Variants in DOK6 observed in about 807,000 individuals in gnomAD.
DOK6 encodes downstream of tyrosine kinase 6.
A neutral mutation model predicts 44.0 loss-of-function variants in DOK6; 22 were observed. That is an observed-to-expected ratio of 0.50 (90% CI 0.36 to 0.71). The LOEUF (loss-of-function observed/expected upper bound fraction) is 0.71, where lower values mean the gene tolerates loss of function less well. Among genes scored for constraint, DOK6 ranks in the 30% least tolerant of loss-of-function variants. DOK6 has a pLI of 0.00. For missense variants in DOK6, 340 were observed against 416.4 expected, an observed-to-expected ratio of 0.82 and a Z score of 1.60; for synonymous variants, 166 against 145.5, an observed-to-expected ratio of 1.14 and a Z score of -1.01.
chr18:69,620,879 G>A (rs1320180274), intron 3 of DOK6, among the ~76,000 whole-genome samples: 2 of 152,120 alleles, frequency 1.3e-5, no homozygotes, highest in Admixed American at 6.5e-5. Context: ...ACTTCAAAAT[G>A]TTTTTAAGCA....
At chr18:69,608,277 A>G (rs928021570) in intron 3 of DOK6, among the ~76,000 whole-genome samples, 1 of 152,194 alleles carries the variant, frequency 6.6e-6, no homozygotes, top group Non-Finnish European at 1.5e-5. Context: ...TTCTTTGACC[A>G]CTATGTGTTC....
At chr18:69,765,890 T>A (rs1979698259) in intron 7 of DOK6, among the ~76,000 whole-genome samples, 1 of 152,198 alleles carries the variant, frequency 6.6e-6, no homozygotes, top group Admixed American at 6.5e-5. Flanking sequence ...CAATATTCAA[T>A]AATTATTAAC....
chr18:69,688,044 A>G (rs1986189686), intron 4 of DOK6, among the ~76,000 whole-genome samples: 1 of 152,104 alleles, frequency 6.6e-6, no homozygotes, highest in African/African-American at 2.4e-5. Context: ...CTTCTATTTC[A>G]TATAATGCAA....
chr18:69,818,729 A>G (rs1311438925), intron 7 of DOK6, among the ~76,000 whole-genome samples: 1 of 152,218 alleles, frequency 6.6e-6, no homozygotes, highest in Admixed American at 6.5e-5. Context: ...CACAGCCTGT[A>G]TACAGTCCCG....
intron 5 of DOK6, among the ~76,000 whole-genome samples, chr18:69,716,712 A>G (rs1184995551): frequency 1.3e-5 from 2 of 148,764 alleles, no homozygotes; most frequent in South Asian, 2.1e-4. Context: ...AAAAAAAAAA[A>G]AGTCTTCTGG....
chr18:69,835,256 A>C (rs1172592665), intron 7 of DOK6, among the ~76,000 whole-genome samples: 1 of 152,068 alleles, frequency 6.6e-6, no homozygotes, highest in African/African-American at 2.4e-5. Flanking sequence ...AGGTCAGGAG[A>C]TCAAGACCAT....
chr18:69,764,094 T>C (rs2144760347), intron 7 of DOK6, among the ~76,000 whole-genome samples: 1 of 152,292 alleles, frequency 6.6e-6, no homozygotes, highest in South Asian at 2.1e-4. Context: ...CACAGATACT[T>C]GCTACTACTA....
At chr18:69,555,388 T>C (rs1982662410) in intron 1 of DOK6, among the ~76,000 whole-genome samples, 1 of 152,152 alleles carries the variant, frequency 6.6e-6, no homozygotes. Context: ...AGTCTTTTTT[T>C]CCGTTAAGAA....
intron 7 of DOK6, among the ~76,000 whole-genome samples, chr18:69,803,865 T>A (rs552114467): frequency 7.2e-5 from 11 of 152,060 alleles, no homozygotes; most frequent in East Asian, 1.9e-4. Flanking sequence ...CTCAAAAAAA[T>A]ATATATATAG....
intron 3 of DOK6, chr18:69,643,614 T>G (rs532852193): frequency 1.3e-5 from 2 of 152,324 alleles, no homozygotes; most frequent in Admixed American, 1.3e-4. Flanking sequence ...TTGCTAAACA[T>G]TCCATGTTGT....
chr18:69,747,032 T>C (rs907279401), intron 6 of DOK6, among the ~76,000 whole-genome samples: 1 of 152,218 alleles, frequency 6.6e-6, no homozygotes, highest in African/African-American at 2.4e-5. Context: ...CGTGTCACCA[T>C]GAACAAATTA....
chr18:69,603,414 G>T (rs1303506040), intron 3 of DOK6, among the ~76,000 whole-genome samples: 1 of 152,074 alleles, frequency 6.6e-6, no homozygotes, highest in Non-Finnish European at 1.5e-5. Flanking sequence ...ACCTATACCA[G>T]AATCTGCTCA....
intron 1 of DOK6, among the ~76,000 whole-genome samples, chr18:69,474,577 A>G (rs529553270): frequency 5.3e-5 from 8 of 152,348 alleles, no homozygotes; most frequent in Admixed American, 3.9e-4. Flanking sequence ...AATGTATTCC[A>G]AAGGCCCATT....
At chr18:69,562,716 A>T (rs969048230) in intron 1 of DOK6, among the ~76,000 whole-genome samples, 1 of 152,184 alleles carries the variant, frequency 6.6e-6, no homozygotes, top group Non-Finnish European at 1.5e-5. Context: ...AACCTAGGTA[A>T]TACCATTCAG....
At chr18:69,481,525 A>T (rs906850100) in intron 1 of DOK6, among the ~76,000 whole-genome samples, 27 of 152,208 alleles carry the variant, frequency 1.8e-4, no homozygotes, top group Non-Finnish European at 3.5e-4. Context: ...TTCCAGCTTC[A>T]TCCGTGTCCC....
intron 1 of DOK6, among the ~76,000 whole-genome samples, chr18:69,538,002 A>C (rs567919874): frequency 6.6e-6 from 1 of 152,306 alleles, no homozygotes; most frequent in Admixed American, 6.5e-5. Context: ...GCAGAGATTT[A>C]AAATAAAACT....
intron 1 of DOK6, among the ~76,000 whole-genome samples, chr18:69,549,011 C>T (rs142388596): frequency 0.016 from 2,360 of 149,740 alleles, 84 homozygotes; most frequent in East Asian, 0.035. Flanking sequence ...AGGAGAATGG[C>T]GTGAACCCCG....
intron 6 of DOK6, among the ~76,000 whole-genome samples, chr18:69,747,119 C>T (rs892334402): frequency 1.2e-4 from 19 of 152,078 alleles, no homozygotes; most frequent in African/African-American, 4.6e-4. Flanking sequence ...TGTGAATATT[C>T]AGTAGTATAA....
chr18:69,515,356 C>T (rs12968956), intron 1 of DOK6, among the ~76,000 whole-genome samples: 93,643 of 151,970 alleles, frequency 0.62, 29,533 homozygotes, highest in Non-Finnish European at 0.69. Context: ...GTGAACATGA[C>T]AATAAATTCA....
Sources: gnomAD v4.1 joint callset for allele counts (sites outside exome capture counted in the v4.1 genomes callset) on GRCh38, gnomAD v4.1.1 for gene constraint, MANE v1.5 for transcripts, NCBI Gene and HGNC (gene_info 2026-07-23, HGNC 2026-07-21) for gene names.